PCDHGA5: variants seen among roughly 807,000 people sequenced by gnomAD.
PCDHGA5 encodes protocadherin gamma subfamily A, 5.
In PCDHGA5, 36 loss-of-function variants were observed where a neutral mutation model predicts 56.7. That is an observed-to-expected ratio of 0.64 (90% CI 0.49 to 0.84). The LOEUF (loss-of-function observed/expected upper bound fraction) is 0.84. Ranked by LOEUF, PCDHGA5 falls within the 40% of genes least tolerant of loss-of-function variation. The probability of loss-of-function intolerance (pLI) is 0.00; values close to 1 mark genes in which losing one functional copy is unlikely to be tolerated. For missense variants in PCDHGA5, 1,305 were observed against 1,201.5 expected (o/e 1.09, Z -1.27); for synonymous variants, 563 against 520.2 (o/e 1.08, Z -1.12).
At chr5:141,389,325 C>T (rs368804822) in intron 1 of PCDHGA5, 6 of 1,613,886 alleles carry the variant, frequency 3.7e-6, no homozygotes, top group Admixed American at 3.3e-5. Flanking sequence ...GGACTTGGGG[C>T]CCAACGGCCA....
chr5:141,415,686 G>T, intron 1 of PCDHGA5: 2 of 1,535,424 alleles, frequency 1.3e-6, no homozygotes, highest in Middle Eastern at 1.7e-4. Flanking sequence ...GCGGCATGAT[G>T]GTGGAAAGTG....
At chr5:141,509,599 A>G (rs964564148) in intron 3 of PCDHGA5, among the ~76,000 whole-genome samples, 6 of 152,158 alleles carry the variant, frequency 3.9e-5, no homozygotes, top group African/African-American at 1.4e-4. Context: ...CAATTCCGAG[A>G]GGCTGCATTC....
chr5:141,457,058 T>C (rs756862311), intron 1 of PCDHGA5, among the ~76,000 whole-genome samples: 1 of 152,230 alleles, frequency 6.6e-6, no homozygotes, highest in South Asian at 2.1e-4. Flanking sequence ...TCATGCTTCC[T>C]TTTTGCCAGT....
At chr5:141,371,515 T>C in intron 1 of PCDHGA5, 1 of 1,613,844 alleles carries the variant, frequency 6.2e-7, no homozygotes, top group Non-Finnish European at 8.5e-7. Context: ...ACACATGATC[T>C]AGATTCTGGA....
Position 141,491,300 on chromosome 5 carries a change from G to A in PCDHGA5, c.2422-3507G>A, listed in dbSNP as rs2099710472. On this transcript the variant is annotated intron_variant, in intron 1 of 3. Coordinates refer to ENST00000518069, the MANE Select transcript of PCDHGA5 (RefSeq NM_018918.3). This position sits in a 1 kb window ranked among gnomAD's most constrained non-coding sequence, Gnocchi z 6.9. ...GACTTCCTCATACACCCTCCTGAGC[G>A]TTCAGACCTTACCCTTTACCTCATT... 1 of 1,614,136 alleles carries A rather than the reference G, an allele frequency of 6.2e-7. No homozygotes were observed. The highest frequency in any genetic ancestry group is 1.1e-5 in the South Asian group (1 of 91,086).
At chr5:141,399,409 CT>C in intron 1 of PCDHGA5, 2 of 1,614,052 alleles carry the variant, frequency 1.2e-6, no homozygotes, top group South Asian at 2.2e-5. Flanking sequence ...CAAGCCGCCC[CT>C]CTCCTCCAGC....
intron 1 of PCDHGA5, chr5:141,414,156 T>TCTC (rs1462369810): frequency 6.2e-7 from 1 of 1,601,848 alleles, no homozygotes; most frequent in Admixed American, 1.7e-5. Flanking sequence ...AAGCAGAAGA[T>TCTC]GGAGGAGCAT....
chr5:141,420,415 T>A, intron 1 of PCDHGA5: 1 of 1,217,296 alleles, frequency 8.2e-7, no homozygotes, highest in Non-Finnish European at 1.1e-6. Context: ...TTATCATTAT[T>A]AAAACAAAAG....
At chr5:141,446,132 TA>T (rs1252851903) in intron 1 of PCDHGA5, among the ~76,000 whole-genome samples, 1 of 152,204 alleles carries the variant, frequency 6.6e-6, no homozygotes, top group African/African-American at 2.4e-5. Context: ...CAATAAGACT[TA>T]ATAATGGAAT....
intron 1 of PCDHGA5, chr5:141,433,041 C>G (rs1171788078): frequency 6.2e-7 from 1 of 1,614,036 alleles, no homozygotes; most frequent in Non-Finnish European, 8.5e-7. Flanking sequence ...TCCCTCACCA[C>G]GGACTCGCGG....
intron 1 of PCDHGA5, among the ~76,000 whole-genome samples, chr5:141,387,169 T>C (rs1428422324): frequency 4.6e-5 from 7 of 152,140 alleles, no homozygotes; most frequent in East Asian, 1.9e-4. Flanking sequence ...TAAGTATAAA[T>C]TGCACCTTCT....
At chr5:141,376,493 C>A in intron 1 of PCDHGA5, 1 of 1,614,130 alleles carries the variant, frequency 6.2e-7, no homozygotes, top group South Asian at 1.1e-5. Flanking sequence ...GAAAGGAGAA[C>A]CCAGGCAACT....
At chr5:141,408,400 G>A (rs2095097999) in intron 1 of PCDHGA5, 2 of 1,614,052 alleles carry the variant, frequency 1.2e-6, no homozygotes, top group Non-Finnish European at 1.7e-6. Flanking sequence ...CTCGCAAGCT[G>A]CGAGTGAGCG....
At chr5:141,419,174 A>G (rs1283454889) in intron 1 of PCDHGA5, 1 of 1,613,840 alleles carries the variant, frequency 6.2e-7, no homozygotes, top group East Asian at 2.2e-5. Flanking sequence ...CAAAACCATA[A>G]CCCTGCACAT....
intron 1 of PCDHGA5, among the ~76,000 whole-genome samples, chr5:141,407,384 G>A (rs911492449): frequency 1.3e-5 from 2 of 152,182 alleles, no homozygotes; most frequent in Non-Finnish European, 2.9e-5. Flanking sequence ...AGGCTTGTAT[G>A]TCATGGTAGG....
chr5:141,395,081 A>G (rs749375075), intron 1 of PCDHGA5: 3 of 1,614,156 alleles, frequency 1.9e-6, no homozygotes, highest in South Asian at 1.1e-5. Context: ...ATTCCCAGGA[A>G]GTCTCCCTCA....
intron 1 of PCDHGA5, chr5:141,404,457 C>T: frequency 6.2e-7 from 1 of 1,612,824 alleles, no homozygotes; most frequent in Non-Finnish European, 8.5e-7. Flanking sequence ...TCTCCTCTCT[C>T]CACCTATGTC....
intron 1 of PCDHGA5, chr5:141,398,897 C>G (rs761364649): frequency 2.1e-5 from 34 of 1,613,932 alleles, no homozygotes; most frequent in Non-Finnish European, 2.8e-5. Context: ...AACGTGCCAC[C>G]AGGCACCACT....
chr5:141,506,447 A>G (rs1405495926), intron 3 of PCDHGA5, among the ~76,000 whole-genome samples: 3 of 146,906 alleles, frequency 2.0e-5, no homozygotes, highest in Non-Finnish European at 3.0e-5. Flanking sequence ...TCTGTCTCAA[A>G]AAAAAAAAAA....
Sources: allele counts gnomAD v4.1 joint callset (sites outside exome capture counted in the v4.1 genomes callset), GRCh38; gene constraint gnomAD v4.1.1; non-coding constraint Gnocchi (gnomAD v3.1); transcripts MANE v1.5; gene names NCBI Gene and HGNC (gene_info 2026-07-23, HGNC 2026-07-21).